The following ANK2 variants were observed in gnomAD, a reference collection of about 807,000 sequenced individuals.
ANK2 encodes the protein ankyrin 2.
Under a neutral mutation model 360.5 loss-of-function variants are expected in ANK2, and 83 were observed. The ratio of observed to expected loss-of-function variants is 0.23; its 90% CI spans 0.19 to 0.28. ANK2 has a LOEUF of 0.28. ANK2 is among the 10% of genes least tolerant of loss of function. The pLI is 1.00. For missense variants in ANK2, 4,201 were observed against 4,795.7 expected, an observed-to-expected ratio of 0.88 and a Z score of 3.66; for synonymous variants, 1,740 against 1,759.5, an observed-to-expected ratio of 0.99 and a Z score of 0.28.
intron 1 of ANK2, among the ~76,000 whole-genome samples, chr4:112,898,663 G>T (rs980085517): frequency 2.6e-5 from 4 of 151,916 alleles, no homozygotes; most frequent in African/African-American, 9.7e-5. Context: ...TTCCATATTT[G>T]GAAATTAATT....
At chr4:113,259,465 T>C (rs1447787522) in intron 13 of ANK2, among the ~76,000 whole-genome samples, 1 of 152,202 alleles carries the variant, frequency 6.6e-6, no homozygotes, top group Non-Finnish European at 1.5e-5. Flanking sequence ...TTTTTTTCTG[T>C]ATTTCACACA....
chr4:112,921,684 TA>T (rs2091569984), intron 2 of ANK2, among the ~76,000 whole-genome samples: 1 of 146,662 alleles, frequency 6.8e-6, no homozygotes, highest in Non-Finnish European at 1.5e-5. Flanking sequence ...AATACCATTC[TA>T]TTTTTTTTTT....
chr4:113,315,550 A>G (rs941848052), intron 24 of ANK2, among the ~76,000 whole-genome samples: 1 of 152,222 alleles, frequency 6.6e-6, no homozygotes, highest in Middle Eastern at 3.4e-3. Flanking sequence ...CTCCTCTACT[A>G]TTTTCCCTTC....
intron 2 of ANK2, among the ~76,000 whole-genome samples, chr4:112,905,576 T>C (rs1293552312): frequency 6.6e-6 from 1 of 152,232 alleles, no homozygotes; most frequent in Non-Finnish European, 1.5e-5. Flanking sequence ...TTCATGGCTA[T>C]TCTTTTGAGT....
chr4:113,040,298 A>G lies in ANK2; in HGVS notation c.22-134118A>G, dbSNP rs139863452. 8.4e-3 allele frequency among the ~76,000 whole-genome samples: 1,272 copies of G among 152,228 alleles called. 17 individuals carry two copies. Among genetic ancestry groups the G allele is most frequent in the African/African-American group, 0.029 (1,194 of 41,554 alleles). On this transcript the variant is annotated intron_variant, in intron 2 of 30. Coordinates refer to the ANK2 transcript ENST00000503271. The stretch of plus-strand genomic sequence containing the variant: ...CTGATATTTATGTAAAATAAGACAT[A>G]GTTAATCACTAGGCTAAATTTAATA...
chr4:113,003,667 T>A (rs961102207), intron 2 of ANK2, among the ~76,000 whole-genome samples: 1 of 152,150 alleles, frequency 6.6e-6, no homozygotes, highest in Non-Finnish European at 1.5e-5. Context: ...TGGTCCAGTT[T>A]GAGAAAGTGA....
chr4:113,177,982 A>G (rs747460967), intron 2 of ANK2, among the ~76,000 whole-genome samples: 1 of 152,228 alleles, frequency 6.6e-6, no homozygotes, highest in Admixed American at 6.5e-5. Context: ...CATGTGTTCT[A>G]ATTACAATTA....
At chr4:113,313,322 A>G (rs1246294056) in intron 24 of ANK2, among the ~76,000 whole-genome samples, 1 of 152,234 alleles carries the variant, frequency 6.6e-6, no homozygotes, top group Non-Finnish European at 1.5e-5. Flanking sequence ...TATTAAGAAT[A>G]AGTACTTGAT....
the ANK2 span, among the ~76,000 whole-genome samples, chr4:112,740,857 G>A: frequency 3.9e-5 from 6 of 152,156 alleles, no homozygotes; most frequent in South Asian, 2.1e-4. Flanking sequence ...GGGCGTGGTC[G>A]TGGGCACCCA....
chr4:113,175,433 C>T (rs1242248975), intron 2 of ANK2, among the ~76,000 whole-genome samples: 1 of 152,172 alleles, frequency 6.6e-6, no homozygotes, highest in African/African-American at 2.4e-5. Context: ...CTGATTTCCT[C>T]ACCAATGTGC....
At chr4:112,842,534 G>T (rs2062337305) in intron 1 of ANK2, among the ~76,000 whole-genome samples, 1 of 152,194 alleles carries the variant, frequency 6.6e-6, no homozygotes, top group East Asian at 1.9e-4. Context: ...GGATGAAATT[G>T]TTCCACCACA....
intron 2 of ANK2, among the ~76,000 whole-genome samples, chr4:113,174,769 C>T (rs2098129693): frequency 1.3e-5 from 2 of 152,008 alleles, no homozygotes; most frequent in Non-Finnish European, 2.9e-5. Flanking sequence ...ATGATTTGGG[C>T]CACCTTTAGC....
At chr4:113,207,981 C>T (rs1183801873) in intron 4 of ANK2, among the ~76,000 whole-genome samples, 10 of 152,096 alleles carry the variant, frequency 6.6e-5, no homozygotes, top group Non-Finnish European at 1.2e-4. Flanking sequence ...ATGCAAGAAC[C>T]TAAAAGAAAT....
chr4:112,788,483 G>A, the ANK2 span: 1 of 1,593,936 alleles, frequency 6.3e-7, no homozygotes, highest in African/African-American at 1.3e-5. Flanking sequence ...TCAAAGGACA[G>A]GTGGTCTCTT....
chr4:113,219,578 T>C (rs362478), intron 4 of ANK2, among the ~76,000 whole-genome samples: 4,237 of 152,188 alleles, frequency 0.028, 98 homozygotes, highest in East Asian at 0.068. Flanking sequence ...AAAAGTATTT[T>C]TAAAATCTCA....
At position 113,343,068 on chromosome 4, in the gene ANK2, T is replaced by C; in HGVS notation, c.4174T>C (p.Leu1392=). ...TGATTGTTTCGGCAACTTGGTACCA[T>C]TAACTAAAAGTGGCCAGCATCATAT... ...YVDCFGNLVP[L]TKSGQHHIFS... Residue 1392 remains leucine, a synonymous_variant, in exon 34 of 46, where the codon TTA becomes CTA. Coordinates refer to ENST00000357077, the MANE Select transcript of ANK2 (RefSeq NM_001148.6). 1 of 1,613,880 alleles carries C rather than the reference T, an allele frequency of 6.2e-7. No homozygotes were observed. The highest frequency in any genetic ancestry group is 8.5e-7 in the Non-Finnish European group (1 of 1,179,794).
At chr4:113,152,838 G>T (rs2154396998) in intron 1 of ANK2, among the ~76,000 whole-genome samples, 1 of 151,978 alleles carries the variant, frequency 6.6e-6, no homozygotes, top group South Asian at 2.1e-4. Flanking sequence ...GAAATTGAGG[G>T]TACAGTGAGC....
At chr4:113,001,819 T>A (rs1000155822) in intron 2 of ANK2, among the ~76,000 whole-genome samples, 3 of 152,130 alleles carry the variant, frequency 2.0e-5, no homozygotes, top group Admixed American at 6.6e-5. Context: ...CATCACAAAA[T>A]GAGCATTTTG....
intron 1 of ANK2, chr4:112,827,224 G>A (rs1332278081): frequency 3.7e-6 from 4 of 1,072,906 alleles, no homozygotes; most frequent in Admixed American, 1.7e-5. Context: ...GGATCAATTG[G>A]AGAAGCAGAG....
Sources: gnomAD v4.1 joint callset for allele counts (sites outside exome capture counted in the v4.1 genomes callset) on GRCh38, gnomAD v4.1.1 for gene constraint, MANE v1.5 for transcripts, NCBI Gene and HGNC (gene_info 2026-07-23, HGNC 2026-07-21) for gene names.